The following RAI2 variants were observed in gnomAD, a reference collection of about 807,000 sequenced individuals.
RAI2 encodes retinoic acid induced 2.
A neutral mutation model predicts 15.3 loss-of-function variants in RAI2; 5 were observed. That is an observed-to-expected ratio of 0.33 (90% CI 0.17 to 0.69). The LOEUF (loss-of-function observed/expected upper bound fraction) is 0.69. Ranked by LOEUF, RAI2 falls within the 30% of genes least tolerant of loss-of-function variation. The pLI is 0.69. For synonymous variants in RAI2, 191 were observed against 184.0 expected (o/e 1.04, Z -0.31); for missense variants, 424 against 424.7 (o/e 1.00, Z 0.01).
intron 1 of RAI2, among the ~76,000 whole-genome samples, chrX:17,857,573 T>C (rs1424336927): frequency 3.6e-5 from 4 of 111,320 alleles, no homozygotes; most frequent in African/African-American, 1.3e-4. Flanking sequence ...CCATCTCCCA[T>C]GGATTTTGTA....
intron 1 of RAI2, among the ~76,000 whole-genome samples, chrX:17,858,053 T>G (rs2147291462): frequency 9.0e-6 from 1 of 110,943 alleles, no homozygotes; most frequent in Non-Finnish European, 1.9e-5. Flanking sequence ...CATACTCCAG[T>G]TTTAGTCCTT....
chrX:17,801,196 C>T lies in RAI2; in HGVS notation c.815G>A (p.Gly272Asp), dbSNP rs764470065. The change falls in exon 2 of 2, where the codon GGC (glycine) becomes GAC (aspartate). Residue 272 changes from glycine (G) to aspartate (D), a missense_variant. Physicochemically the swap from Gly to Asp is moderately conservative, Grantham distance 94. Transcript: ENST00000451717. ...CTGGGTGCCTTTAAAGGGGTGCAGG[C>T]CGAAGGAAGATGGTGGCTTGGGGAA... is the stretch of plus-strand genomic sequence containing the variant. ...SSFPKPPSSFGLHPFKGTQTP... is the reference protein window; with the variant it reads ...SSFPKPPSSFDLHPFKGTQTP... 2 of 1,210,850 alleles carry T rather than the reference C, an allele frequency of 1.7e-6. No homozygotes were observed. The highest frequency in any genetic ancestry group is 1.8e-5 in the South Asian group (1 of 56,913).
chrX:17,809,549 T>C (rs2067019316), intron 1 of RAI2, among the ~76,000 whole-genome samples: 1 of 111,934 alleles, frequency 8.9e-6, no homozygotes, highest in South Asian at 3.7e-4. Context: ...TTATAGTGTA[T>C]GTAATAAATA....
In RAI2 at chrX:17,846,252, G is replaced by A. The variant is rs1238494124; in HGVS notation, c.-25+14846C>T. Among the ~76,000 whole-genome samples, 4 of 111,886 alleles carry A rather than the reference G, an allele frequency of 3.6e-5. No individual in the cohort carries two copies. The East Asian group carries it at 1.1e-3, about 31-fold the overall frequency. ...TGCAACATTTCCCCTGGCAGGTGGG[G>A]TGACTCACTCACCATGGTTTGCCCA... On this transcript the variant is annotated intron_variant, in intron 1 of 1. Coordinates refer to ENST00000451717, the MANE Select transcript of RAI2 (RefSeq NM_021785.6).
chrX:17,803,761 G>A (rs957837901), intron 1 of RAI2, among the ~76,000 whole-genome samples: 2 of 110,481 alleles, frequency 1.8e-5, no homozygotes, highest in African/African-American at 6.6e-5. Context: ...TCCAGAGCGT[G>A]TCTCCCTCTG....
intron 1 of RAI2, among the ~76,000 whole-genome samples, chrX:17,812,699 C>T (rs935684411): frequency 8.1e-5 from 9 of 111,530 alleles, no homozygotes; most frequent in Non-Finnish European, 1.5e-4. Flanking sequence ...TTTTCAGTGG[C>T]GATGAAGCTC....
chrX:17,800,454 T>C lies in RAI2; in HGVS notation c.1557A>G (p.Lys519=). 8.4e-7 allele frequency: 1 copy of C among 1,196,430 alleles called. No individual in the cohort carries two copies. Residue 519 remains lysine, a synonymous_variant, in exon 2 of 2, where the codon AAA becomes AAG. Transcript: ENST00000451717. ...GAAAAAAGGTGGCCAGCCGTTGTTT[T>C]TTGATTGGGAGCATGTGTATTTCCT... ...NSQEIHMLPI[K]KQRLATFFPR...
chrX:17,833,145 AT>A (rs2067300325), intron 1 of RAI2, among the ~76,000 whole-genome samples: 1 of 112,355 alleles, frequency 8.9e-6, no homozygotes. Flanking sequence ...TACTGATACA[AT>A]GCAACAACAT....
At position 17,801,594 on chromosome X, in the gene RAI2, G is replaced by A; in HGVS notation, c.417C>T (p.Val139=). The A allele has an allele frequency of 1.7e-6, 2 of 1,210,352 alleles. No homozygotes were observed. The highest frequency in any genetic ancestry group is 2.2e-6 in the Non-Finnish European group (2 of 894,802). The change falls in exon 2 of 2, where the codon GTC becomes GTT. Residue 139 remains valine (V), a synonymous_variant. Coordinates refer to ENST00000451717, the MANE Select transcript of RAI2 (RefSeq NM_021785.6). ...AGGAGCATGGGGCCTCCTGCGGCAG[G>A]ACCAGAGGGGAGTTGAGGTGCTGAA... ...HVFQHLNSPL[V]LPQEAPCSSS...
chrX:17,803,936 C>CCT (rs1556121583), intron 1 of RAI2, among the ~76,000 whole-genome samples: 4 of 100,034 alleles, frequency 4.0e-5, no homozygotes, highest in African/African-American at 1.5e-4. Flanking sequence ...TCCAACATGC[C>CCT]TTTTTTTTTT....
At chrX:17,811,803 A>T (rs924225746) in intron 1 of RAI2, among the ~76,000 whole-genome samples, 4 of 111,732 alleles carry the variant, frequency 3.6e-5, no homozygotes. Context: ...GAGAGTGGTT[A>T]GGAGTATAAG....
chrX:17,820,837 C>G (rs2067156554), intron 1 of RAI2, among the ~76,000 whole-genome samples: 1 of 110,651 alleles, frequency 9.0e-6, no homozygotes, highest in Admixed American at 9.6e-5. Flanking sequence ...ATTGTCTATG[C>G]CAACCTCTCA....
chrX:17,827,635 TC>T (rs1569350232), intron 1 of RAI2, among the ~76,000 whole-genome samples: 1 of 111,986 alleles, frequency 8.9e-6, no homozygotes, highest in Non-Finnish European at 1.9e-5. Flanking sequence ...TAGCCTTGGC[TC>T]CAGAATCTAT....
intron 1 of RAI2, among the ~76,000 whole-genome samples, chrX:17,811,827 C>T (rs1258733177): frequency 9.0e-6 from 1 of 111,584 alleles, no homozygotes; most frequent in East Asian, 2.8e-4. Flanking sequence ...TGAACTTAGA[C>T]AGGCCTAGGT....
intron 1 of RAI2, among the ~76,000 whole-genome samples, chrX:17,820,869 A>C (rs1238075341): frequency 9.1e-6 from 1 of 109,762 alleles, no homozygotes; most frequent in Non-Finnish European, 1.9e-5. Flanking sequence ...AATCCTCTCC[A>C]GCCAAATCAG....
intron 1 of RAI2, 120 bp from the exon 2 acceptor site, chrX:17,802,154 C>T: frequency 1.1e-6 from 1 of 873,911 alleles, no homozygotes; most frequent in Non-Finnish European, 1.6e-6. Context: ...CATAACCCAT[C>T]TCTCTATGTA....
chrX:17,840,941 T>G (rs1176648738), intron 1 of RAI2, among the ~76,000 whole-genome samples: 1 of 112,055 alleles, frequency 8.9e-6, no homozygotes, highest in Non-Finnish European at 1.9e-5. Flanking sequence ...AAACAGGTTT[T>G]GGGGACTAAC....
intron 1 of RAI2, among the ~76,000 whole-genome samples, chrX:17,852,342 C>A (rs769001672): frequency 3.7e-4 from 41 of 111,769 alleles, no homozygotes; most frequent in African/African-American, 1.3e-3. Flanking sequence ...GGCTAGTATG[C>A]AAGGGAATCC....
At position 17,800,287 on chromosome X, in the gene RAI2, C is replaced by G; in HGVS notation, c.*131G>C. The G allele has an allele frequency of 2.2e-6, 2 of 918,068 alleles. No individual in the cohort carries two copies. The highest frequency in any genetic ancestry group is 2.9e-6 in the Non-Finnish European group (2 of 679,730). 75.7% of individuals were successfully genotyped at this position (918,068 alleles called of 1,213,427 possible). A position where few individuals can be genotyped will look rare whatever the true frequency, so the allele number is the denominator to read the frequency against. ...ATACTAGCATACAGGGCCTCTAGAG[C>G]CAATTCACCTTTCCATTTCCCAACT... On this transcript the variant is annotated 3_prime_UTR_variant, in exon 2 of 2. Transcript: ENST00000451717.
Sources: allele counts gnomAD v4.1 joint callset (sites outside exome capture counted in the v4.1 genomes callset), GRCh38; gene constraint gnomAD v4.1.1; transcripts MANE v1.5; gene names NCBI Gene and HGNC (gene_info 2026-07-23, HGNC 2026-07-21).